The following TENM2 variants were observed in gnomAD, a reference collection of about 807,000 sequenced individuals.
The protein encoded by TENM2 is teneurin transmembrane protein 2, also known as teneurin-2.
In TENM2, 52 loss-of-function variants were observed where a neutral mutation model predicts 245.2. That is an observed-to-expected ratio of 0.21 (90% CI 0.17 to 0.27). The LOEUF is 0.27. TENM2 is among the 10% of genes least tolerant of loss of function. TENM2 has a pLI of 1.00. For missense variants in TENM2, 3,046 were observed against 3,666.8 expected (o/e 0.83, Z 4.37); for synonymous variants, 1,363 against 1,438.9 (o/e 0.95, Z 1.19).
the TENM2 span, among the ~76,000 whole-genome samples, chr5:167,019,816 C>T: frequency 6.0e-4 from 91 of 152,140 alleles, no homozygotes; most frequent in Non-Finnish European, 9.4e-4. Flanking sequence ...TTTGGGGGCT[C>T]TTAAGCCCTA....
intron 12 of TENM2, among the ~76,000 whole-genome samples, chr5:168,156,116 C>A (rs905225745): frequency 6.6e-6 from 1 of 151,686 alleles, no homozygotes; most frequent in Non-Finnish European, 1.5e-5. Context: ...GTAAAATATA[C>A]CATTTTACAA....
chr5:167,400,488 A>C (rs903020833), intron 2 of TENM2, among the ~76,000 whole-genome samples: 1 of 151,964 alleles, frequency 6.6e-6, no homozygotes, highest in African/African-American at 2.4e-5. Context: ...TGAAGTATAT[A>C]TTTTCTTGGG....
chr5:167,264,903 T>G, the TENM2 span, among the ~76,000 whole-genome samples: 1 of 152,168 alleles, frequency 6.6e-6, no homozygotes. Context: ...ACATGCAGGG[T>G]CAGACAGAAA....
At chr5:167,778,691 A>G (rs1220301770) in intron 2 of TENM2, among the ~76,000 whole-genome samples, 1 of 152,198 alleles carries the variant, frequency 6.6e-6, no homozygotes, top group Non-Finnish European at 1.5e-5. Context: ...AGCAAAATTT[A>G]TCATTGTTAG....
chr5:168,039,883 G>A (rs1788034901), intron 5 of TENM2, among the ~76,000 whole-genome samples: 1 of 152,008 alleles, frequency 6.6e-6, no homozygotes, highest in African/African-American at 2.4e-5. Context: ...TGCAGCAGCG[G>A]GTTCCAGGAG....
At chr5:167,429,197 G>A (rs1764055726) in intron 2 of TENM2, among the ~76,000 whole-genome samples, 1 of 152,190 alleles carries the variant, frequency 6.6e-6, no homozygotes, top group Admixed American at 6.5e-5. Context: ...TGGCAGGGAT[G>A]AGGATCTAGC....
At chr5:167,937,604 A>G (rs1391160745) in intron 3 of TENM2, 1 of 149,542 alleles carries the variant, frequency 6.7e-6, no homozygotes, top group Non-Finnish European at 1.5e-5. Context: ...TCTGTAAGTC[A>G]TTTTTTTTTT....
At chr5:167,930,614 A>G (rs965852705) in intron 3 of TENM2, among the ~76,000 whole-genome samples, 1 of 152,092 alleles carries the variant, frequency 6.6e-6, no homozygotes, top group African/African-American at 2.4e-5. Context: ...AGCTAGGACT[A>G]CAGGTGCATG....
chr5:167,737,061 A>G (rs1760850184), intron 2 of TENM2, among the ~76,000 whole-genome samples: 1 of 152,338 alleles, frequency 6.6e-6, no homozygotes, highest in South Asian at 2.1e-4. Flanking sequence ...ATTGGGATTC[A>G]GATCTTTCTG....
intron 2 of TENM2, among the ~76,000 whole-genome samples, chr5:167,528,116 T>C (rs759137409): frequency 2.0e-5 from 3 of 152,228 alleles, no homozygotes; most frequent in Non-Finnish European, 4.4e-5. Context: ...ATTTTAATTA[T>C]TAAAGTGTCC....
the TENM2 span, among the ~76,000 whole-genome samples, chr5:167,024,340 C>A: frequency 1.3e-5 from 2 of 152,290 alleles, no homozygotes; most frequent in African/African-American, 4.8e-5. Flanking sequence ...TTGAAGTGCC[C>A]TTGTTTGCTG....
chr5:167,434,075 A>G (rs1764397428), intron 2 of TENM2, among the ~76,000 whole-genome samples: 1 of 152,152 alleles, frequency 6.6e-6, no homozygotes, highest in East Asian at 1.9e-4. Context: ...ATCCTACTAC[A>G]TCTTAATATA....
chr5:167,168,530 C>G, the TENM2 span: 3 of 152,204 alleles, frequency 2.0e-5, no homozygotes, highest in Non-Finnish European at 4.4e-5. Context: ...CAAATAATCA[C>G]TTACTTGTGC....
At chr5:167,931,609 T>C (rs1778297913) in intron 3 of TENM2, among the ~76,000 whole-genome samples, 1 of 150,164 alleles carries the variant, frequency 6.7e-6, no homozygotes, top group Non-Finnish European at 1.5e-5. Context: ...TGGTGTATCA[T>C]ATGTTCCCCG....
At chr5:167,542,356 G>A (rs1027029200) in intron 2 of TENM2, among the ~76,000 whole-genome samples, 23 of 152,110 alleles carry the variant, frequency 1.5e-4, no homozygotes, top group African/African-American at 4.8e-4. Flanking sequence ...AACATGGTCT[G>A]CCCCTAGGAG....
At chr5:168,047,375 T>G (rs1028843020) in intron 5 of TENM2, 52 bp from the exon 8 acceptor site, 1 of 1,550,166 alleles carries the variant, frequency 6.5e-7, no homozygotes, top group African/African-American at 1.4e-5. Flanking sequence ...CCCTTGACAT[T>G]TGCATTGCTG....
intron 2 of TENM2, among the ~76,000 whole-genome samples, chr5:167,705,857 C>T (rs1407175337): frequency 6.6e-6 from 1 of 151,338 alleles, no homozygotes; most frequent in African/African-American, 2.4e-5. Context: ...TAGGTGGTAT[C>T]ATGTAGCAGT....
At chr5:167,700,532 A>G (rs1302429695) in intron 2 of TENM2, among the ~76,000 whole-genome samples, 1 of 152,172 alleles carries the variant, frequency 6.6e-6, no homozygotes, top group African/African-American at 2.4e-5. Context: ...TTCAGACTTC[A>G]CATAGCCAGG....
At chr5:167,809,687 T>A (rs1766486206) in intron 2 of TENM2, among the ~76,000 whole-genome samples, 1 of 152,136 alleles carries the variant, frequency 6.6e-6, no homozygotes, top group Non-Finnish European at 1.5e-5. Flanking sequence ...TAATTTTTTT[T>A]AAGTAGTTGG....
Sources: allele counts gnomAD v4.1 joint callset (sites outside exome capture counted in the v4.1 genomes callset), GRCh38; gene constraint gnomAD v4.1.1; transcripts MANE v1.5; gene names NCBI Gene and HGNC (gene_info 2026-07-23, HGNC 2026-07-21).